Variants in ENPP6 observed in about 807,000 individuals in gnomAD.
ENPP6 encodes ectonucleotide pyrophosphatase/phosphodiesterase 6.
A neutral mutation model predicts 42.0 loss-of-function variants in ENPP6; 32 were observed. That is an observed-to-expected ratio of 0.76 (90% confidence interval 0.58 to 1.02). The LOEUF (loss-of-function observed/expected upper bound fraction) is 1.02, where lower values mean the gene tolerates loss of function less well. Ranked by LOEUF, ENPP6 falls within the 50% of genes least tolerant of loss-of-function variation. The probability of loss-of-function intolerance (pLI) is 0.00; values close to 1 mark genes in which losing one functional copy is unlikely to be tolerated. For missense variants in ENPP6, 552 were observed against 566.8 expected, an observed-to-expected ratio of 0.97 and a Z score of 0.27; for synonymous variants, 213 against 216.0, an observed-to-expected ratio of 0.99 and a Z score of 0.12.
At chr4:184,107,896 C>T (rs1163728559) in intron 6 of ENPP6, among the ~76,000 whole-genome samples, 6 of 143,672 alleles carry the variant, frequency 4.2e-5, no homozygotes, top group Non-Finnish European at 7.5e-5. Flanking sequence ...GCCTGGGCAA[C>T]AGAGCAAGAC....
At chr4:184,144,142 G>A (rs11132226) in intron 2 of ENPP6, among the ~76,000 whole-genome samples, 33,658 of 152,192 alleles carry the variant, frequency 0.22, 4,602 homozygotes, top group African/African-American at 0.38. Flanking sequence ...GGAGGAAGGC[G>A]TATGATGCGG....
At chr4:184,187,387 T>C (rs1732649235) in intron 1 of ENPP6, among the ~76,000 whole-genome samples, 1 of 152,196 alleles carries the variant, frequency 6.6e-6, no homozygotes, top group Non-Finnish European at 1.5e-5. Context: ...ATCTGGGCAG[T>C]ACTGCGTGAA....
At chr4:184,167,676 T>C (rs1737374174) in intron 1 of ENPP6, among the ~76,000 whole-genome samples, 1 of 152,196 alleles carries the variant, frequency 6.6e-6, no homozygotes, top group Non-Finnish European at 1.5e-5. Flanking sequence ...CTAGAATATG[T>C]GACGTAGGTA....
chr4:184,146,475 C>A (rs1458355761), intron 2 of ENPP6, among the ~76,000 whole-genome samples: 5 of 151,784 alleles, frequency 3.3e-5, no homozygotes, highest in Non-Finnish European at 7.4e-5. Flanking sequence ...GTTGAAACAA[C>A]CTGAATTGTT....
At chr4:184,108,270 C>T (rs2111338228) in intron 6 of ENPP6, among the ~76,000 whole-genome samples, 2 of 152,328 alleles carry the variant, frequency 1.3e-5, no homozygotes, top group South Asian at 4.1e-4. Context: ...CCCAGAGAGG[C>T]TGCTTTCGGG....
rs183023017 is a variant in ENPP6 at position 184,153,676 on chromosome 4, T to G, written c.299A>C (p.Asn100Thr). 4.0e-5 allele frequency: 65 copies of G among 1,614,194 alleles called. No individual in the cohort carries two copies. The East Asian group carries it at 6.7e-4, about 17-fold the overall frequency. Residue 100 changes from asparagine (N) to threonine (T), a missense_variant, in exon 2 of 8, where the codon AAC becomes ACC. Around this residue, in one of 2 missense-constraint regions of ENPP6, gnomAD observed 545 missense variants for 546.3 expected, o/e 1.00. Transcript: ENST00000296741. ...GTTGACGCCAATGTCAAAGGACTTG[T>G]TGGTGGTGGGGTCCCACATGTAGTT... ...IGNYMWDPTT[N>T]KSFDIGVNKD...
chr4:184,177,128 G>A (rs928567327), intron 1 of ENPP6, among the ~76,000 whole-genome samples: 4 of 152,180 alleles, frequency 2.6e-5, no homozygotes, highest in African/African-American at 9.7e-5. Flanking sequence ...TTCACAGGGG[G>A]AGGGGTTGCC....
intron 1 of ENPP6, among the ~76,000 whole-genome samples, chr4:184,205,071 T>C (rs1278010897): frequency 1.3e-5 from 2 of 152,048 alleles, no homozygotes; most frequent in Non-Finnish European, 2.9e-5. Context: ...GCTGGGATTA[T>C]GGCACCCACC....
chr4:184,178,778 G>A (rs1385397717), intron 1 of ENPP6, among the ~76,000 whole-genome samples: 1 of 152,152 alleles, frequency 6.6e-6, no homozygotes, highest in African/African-American at 2.4e-5. Flanking sequence ...GCCAAACCAA[G>A]CTTCATAAGT....
intron 2 of ENPP6, among the ~76,000 whole-genome samples, chr4:184,147,268 C>A (rs940276940): frequency 8.5e-5 from 13 of 152,174 alleles, no homozygotes; most frequent in African/African-American, 3.1e-4. Context: ...CCAACCCAGC[C>A]ATTTCTCACC....
intron 1 of ENPP6, among the ~76,000 whole-genome samples, chr4:184,199,405 T>G (rs896763893): frequency 4.6e-5 from 7 of 152,110 alleles, no homozygotes; most frequent in Non-Finnish European, 8.8e-5. Flanking sequence ...ATATTTGAGG[T>G]TTTCTCCCAA....
intron 1 of ENPP6, among the ~76,000 whole-genome samples, chr4:184,215,789 C>T (rs1733186314): frequency 6.6e-6 from 1 of 152,188 alleles, no homozygotes; most frequent in South Asian, 2.1e-4. Flanking sequence ...AGATCTTTGT[C>T]AGACACTCAC....
chr4:184,103,700 C>G (rs983509333), intron 6 of ENPP6, among the ~76,000 whole-genome samples: 1 of 152,234 alleles, frequency 6.6e-6, no homozygotes, highest in Non-Finnish European at 1.5e-5. Context: ...AAAGAGGCTT[C>G]CAGCCAGCAG....
At chr4:184,135,083 T>C (rs1736710797) in intron 2 of ENPP6, among the ~76,000 whole-genome samples, 1 of 152,140 alleles carries the variant, frequency 6.6e-6, no homozygotes, top group Non-Finnish European at 1.5e-5. Context: ...TTTCAGACCT[T>C]TTCAATTTGT....
At chr4:184,171,687 A>C (rs1192138829) in intron 1 of ENPP6, among the ~76,000 whole-genome samples, 1 of 152,278 alleles carries the variant, frequency 6.6e-6, no homozygotes, top group African/African-American at 2.4e-5. Context: ...GCTGTAGTTT[A>C]GCTCCACTTC....
chr4:184,091,345 C>T lies in ENPP6; in HGVS notation c.1155G>A (p.Ser385=), dbSNP rs144508336. 1.5e-5 allele frequency: 24 copies of T among 1,612,902 alleles called. No homozygotes were observed. Among genetic ancestry groups the T allele is most frequent in the Middle Eastern group, 1.7e-4 (1 of 6,060 alleles). Residue 385 remains serine (S), a synonymous_variant, in exon 8 of 8, where the codon TCG becomes TCA. Transcript: ENST00000296741. ...TGCACATGACATTGTAGACGTCCAC[C>T]GACCTGATAGGAGCAGCTCTGAAGT... The part of the protein sequence containing the change: ...KSNFRAAPIR[S]VDVYNVMCNV...
chr4:184,203,242 C>T (rs976730262), intron 1 of ENPP6, among the ~76,000 whole-genome samples: 1 of 152,188 alleles, frequency 6.6e-6, no homozygotes, highest in Non-Finnish European at 1.5e-5. Context: ...TAGGACGAGA[C>T]TCTGTCTCTA....
intron 1 of ENPP6, among the ~76,000 whole-genome samples, chr4:184,180,372 C>A (rs558402784): frequency 6.6e-6 from 1 of 152,010 alleles, no homozygotes; most frequent in Non-Finnish European, 1.5e-5. Flanking sequence ...AATAAATAAT[C>A]CACCAACCAA....
chr4:184,133,573 T>A (rs1209117220), intron 2 of ENPP6, among the ~76,000 whole-genome samples: 1 of 152,122 alleles, frequency 6.6e-6, no homozygotes, highest in Non-Finnish European at 1.5e-5. Flanking sequence ...AATTGTTTTA[T>A]CCCTGTCATC....
Sources: allele counts gnomAD v4.1 joint callset (sites outside exome capture counted in the v4.1 genomes callset), GRCh38; gene constraint gnomAD v4.1.1; regional missense constraint gnomAD v4.1.1; transcripts MANE v1.5; gene names NCBI Gene and HGNC (gene_info 2026-07-23, HGNC 2026-07-21).